The following FAM114A1 variants were observed in gnomAD, a reference collection of about 807,000 sequenced individuals.
FAM114A1 encodes family with sequence similarity 114 member A1, also known as protein NOXP20.
In FAM114A1, 62 loss-of-function variants were observed where a neutral mutation model predicts 64.3. The observed-to-expected ratio is 0.96, with a 90% CI of 0.79 to 1.19. The LOEUF (loss-of-function observed/expected upper bound fraction) is 1.19, where lower values mean the gene tolerates loss of function less well. FAM114A1 is among the 50% of genes most tolerant of loss of function. FAM114A1 has a pLI of 0.00. For synonymous variants in FAM114A1, 254 were observed against 251.1 expected, an observed-to-expected ratio of 1.01 and a Z score of -0.11; for missense variants, 645 against 676.3, an observed-to-expected ratio of 0.95 and a Z score of 0.51.
At chr4:38,887,985 C>CTTGTATATA (rs1042000965) in intron 3 of FAM114A1, among the ~76,000 whole-genome samples, 1 of 152,144 alleles carries the variant, frequency 6.6e-6, no homozygotes, top group Admixed American at 6.5e-5. Context: ...TTATACGCAG[C>CTTGTATATA]ACCTGATTCT....
intron 7 of FAM114A1, among the ~76,000 whole-genome samples, chr4:38,914,108 TA>T (rs1309740312): frequency 6.6e-6 from 1 of 151,562 alleles, no homozygotes; most frequent in Non-Finnish European, 1.5e-5. Context: ...CTCAAAAAAA[TA>T]AAATAAAATA....
chr4:38,936,285 A>G (rs987431279), intron 13 of FAM114A1, among the ~76,000 whole-genome samples: 5 of 151,114 alleles, frequency 3.3e-5, no homozygotes, highest in Non-Finnish European at 5.9e-5. Context: ...TAGTAGAGAC[A>G]GGGTTTCACC....
chr4:38,881,287 T>A (rs1715244870), intron 3 of FAM114A1, among the ~76,000 whole-genome samples: 1 of 152,098 alleles, frequency 6.6e-6, no homozygotes, highest in Non-Finnish European at 1.5e-5. Flanking sequence ...GAAAACACCT[T>A]ATAAACCTCC....
chr4:38,873,647 G>T (rs1417633291), intron 2 of FAM114A1, among the ~76,000 whole-genome samples: 4 of 152,218 alleles, frequency 2.6e-5, no homozygotes, highest in Non-Finnish European at 4.4e-5. Flanking sequence ...GGAGGAGGCG[G>T]TTATTTTAAC....
intron 2 of FAM114A1, among the ~76,000 whole-genome samples, chr4:38,875,583 G>T (rs1474277222): frequency 1.3e-5 from 2 of 152,150 alleles, no homozygotes; most frequent in Non-Finnish European, 2.9e-5. Flanking sequence ...GAGACTATGG[G>T]ATTTTCTAGG....
Position 38,944,465 on chromosome 4 carries a change from A to G in FAM114A1, c.*908A>G, listed in dbSNP as rs1721816596. 6.6e-6 allele frequency: 1 copy of G among 152,230 alleles called. No individual in the cohort carries two copies. Among genetic ancestry groups the G allele is most frequent in the African/African-American group, 2.4e-5 (1 of 41,440 alleles). The allele number at this position is 152,230 out of a possible 1,614,324, so 9.4% of individuals were successfully genotyped here. ...ATCCCAGTAGAGGTAGATATTCTGAAAAAGAATAATTCTTAAACTGCTTAA... is the reference window on the plus strand; with the variant it reads ...ATCCCAGTAGAGGTAGATATTCTGAGAAAGAATAATTCTTAAACTGCTTAA... On this transcript the variant is annotated 3_prime_UTR_variant, in exon 15 of 15. Transcript: ENST00000358869.
chr4:38,943,196 A>AG (rs1159800414), intron 14 of FAM114A1, among the ~76,000 whole-genome samples: 9 of 151,714 alleles, frequency 5.9e-5, no homozygotes, highest in African/African-American at 2.2e-4. Context: ...TGTCTCAAAA[A>AG]AAAAAAAAAA....
intron 4 of FAM114A1, among the ~76,000 whole-genome samples, chr4:38,901,891 T>C (rs1481468294): frequency 6.6e-6 from 1 of 152,194 alleles, no homozygotes; most frequent in East Asian, 1.9e-4. Context: ...TAGTGTCAGG[T>C]TTCACCCTGG....
chr4:38,879,143 G>A (rs1257195719), intron 3 of FAM114A1, among the ~76,000 whole-genome samples: 3 of 152,100 alleles, frequency 2.0e-5, no homozygotes, highest in East Asian at 3.9e-4. Context: ...GCCATGTGGG[G>A]CCGGGCAGGG....
intron 4 of FAM114A1, among the ~76,000 whole-genome samples, chr4:38,904,883 T>C (rs1053455766): frequency 4.6e-5 from 7 of 152,188 alleles, no homozygotes; most frequent in African/African-American, 1.7e-4. Context: ...TCCAGGTTGA[T>C]AGCTAGGTGG....
At chr4:38,907,517 C>T (rs990115868) in intron 6 of FAM114A1, among the ~76,000 whole-genome samples, 5 of 152,144 alleles carry the variant, frequency 3.3e-5, no homozygotes, top group African/African-American at 1.2e-4. Flanking sequence ...TTAGCAGGCA[C>T]TAAGTCAAAT....
rs1322569932 is a variant in FAM114A1 at position 38,943,556 on chromosome 4, G to C, written c.1691G>C (p.Ter564SerextTer8). Reference protein sequence around the residue: ...IQTSCLKAQP* With the variant: ...IQTSCLKAQPS ...ACCAGTTGTTTGAAAGCACAGCCGT[G>C]ACCTGGCCAGACTCCATCTAGTTAA... The change falls in exon 15 of 15, where the codon TGA becomes TCA. Residue 564 changes from the stop codon to serine, a stop_lost. Coordinates refer to ENST00000358869, the MANE Select transcript of FAM114A1 (RefSeq NM_138389.4). 6.2e-7 allele frequency: 1 copy of C among 1,613,278 alleles called. No individual in the cohort carries two copies. The highest frequency in any genetic ancestry group is 8.5e-7 in the Non-Finnish European group (1 of 1,179,658).
At chr4:38,894,374 G>A (rs1216784654) in intron 4 of FAM114A1, among the ~76,000 whole-genome samples, 1 of 152,130 alleles carries the variant, frequency 6.6e-6, no homozygotes, top group African/African-American at 2.4e-5. Flanking sequence ...GTTCGCATCT[G>A]GCTCTGAGTA....
chr4:38,870,118 C>T (rs1713884714), intron 2 of FAM114A1, among the ~76,000 whole-genome samples: 1 of 152,206 alleles, frequency 6.6e-6, no homozygotes, highest in Admixed American at 6.5e-5. Context: ...GGCCACATCC[C>T]TTGACGCCTG....
intron 9 of FAM114A1, among the ~76,000 whole-genome samples, chr4:38,923,320 T>C (rs1354322574): frequency 6.8e-6 from 1 of 146,972 alleles, no homozygotes; most frequent in East Asian, 2.0e-4. Context: ...ACCTCCCGGG[T>C]TCAAGTGATT....
At chr4:38,920,327 A>C (rs1310925405) in intron 8 of FAM114A1, among the ~76,000 whole-genome samples, 4 of 152,224 alleles carry the variant, frequency 2.6e-5, no homozygotes, top group African/African-American at 9.6e-5. Context: ...AAGATTTATA[A>C]GACAGCCTCT....
chr4:38,868,059 G>A, intron 1 of FAM114A1: 1 of 391,852 alleles, frequency 2.6e-6, no homozygotes, highest in Admixed American at 2.7e-5. Flanking sequence ...GGGCGTGTGA[G>A]TGTGTGTGTG....
intron 13 of FAM114A1, chr4:38,938,349 G>A (rs566731507): frequency 6.6e-6 from 1 of 152,356 alleles, no homozygotes; most frequent in African/African-American, 2.4e-5. Context: ...CCACACTTCT[G>A]TCAGTGACTC....
At chr4:38,877,615 C>T (rs1039407540) in intron 2 of FAM114A1, among the ~76,000 whole-genome samples, 4 of 152,102 alleles carry the variant, frequency 2.6e-5, no homozygotes, top group Non-Finnish European at 5.9e-5. Context: ...TGGACTGGTA[C>T]AAGGAATAAT....
Sources: gnomAD v4.1 joint callset for allele counts (sites outside exome capture counted in the v4.1 genomes callset) on GRCh38, gnomAD v4.1.1 for gene constraint, MANE v1.5 for transcripts, NCBI Gene and HGNC (gene_info 2026-07-23, HGNC 2026-07-21) for gene names.